GHR: variants seen among roughly 807,000 people sequenced by gnomAD.
GHR encodes the protein growth hormone receptor.
In GHR, 35 loss-of-function variants were observed where a neutral mutation model predicts 67.1. The ratio of observed to expected loss-of-function variants is 0.52; its 90% CI spans 0.40 to 0.69. GHR has a LOEUF of 0.69. Among genes scored for constraint, GHR ranks in the 30% least tolerant of loss-of-function variants. GHR has a pLI of 0.00. For missense variants in GHR, 792 were observed against 764.6 expected (o/e 1.04, Z -0.42); for synonymous variants, 272 against 269.1 (o/e 1.01, Z -0.10).
At chr5:42,501,575 T>C (rs1190408554) in intron 1 of GHR, among the ~76,000 whole-genome samples, 1 of 152,176 alleles carries the variant, frequency 6.6e-6, no homozygotes, top group African/African-American at 2.4e-5. Flanking sequence ...TTCTTTGTTC[T>C]TGGGGCTACC....
chr5:42,439,164 C>T (rs1476253891), intron 1 of GHR, among the ~76,000 whole-genome samples: 3 of 152,028 alleles, frequency 2.0e-5, no homozygotes, highest in African/African-American at 7.2e-5. Context: ...AGTCAAAGGT[C>T]AGCTGCTTAA....
At chr5:42,593,483 C>T (rs573226329) in intron 2 of GHR, among the ~76,000 whole-genome samples, 7 of 152,164 alleles carry the variant, frequency 4.6e-5, no homozygotes, top group African/African-American at 7.2e-5. Context: ...ATTCAAGGTC[C>T]CTGTGCTGAT....
chr5:42,448,003 C>T (rs1743886757), intron 1 of GHR, among the ~76,000 whole-genome samples: 1 of 151,998 alleles, frequency 6.6e-6, no homozygotes, highest in Non-Finnish European at 1.5e-5. Context: ...CTCCAGTGAT[C>T]CACCCACCTC....
intron 8 of GHR, among the ~76,000 whole-genome samples, chr5:42,717,792 G>T (rs1370346941): frequency 6.6e-6 from 1 of 151,612 alleles, no homozygotes; most frequent in East Asian, 1.9e-4. Context: ...AAAAACAATT[G>T]TGGGAAAACC....
chr5:42,699,896 T>A lies in GHR; in HGVS notation c.512T>A (p.Ile171Asn). ...AGTTTAACTGGGATTCATGCAGATA[T>A]CCAAGTGAGATGGGAAGCACCACGC... is the stretch of plus-strand genomic sequence containing the variant. Reference protein sequence around the residue: ...NVSLTGIHADIQVRWEAPRNA... With the variant: ...NVSLTGIHADNQVRWEAPRNA... The change falls in exon 6 of 10, where the codon ATC becomes AAC. Residue 171 changes from isoleucine (I) to asparagine (N), a missense_variant. By Grantham distance (149) the Ile-to-Asn change is moderately radical (BLOSUM62 -3). Coordinates refer to ENST00000230882, the MANE Select transcript of GHR (RefSeq NM_000163.5). 6.2e-7 allele frequency: 1 copy of A among 1,605,602 alleles called. No individual in the cohort carries two copies.
intron 1 of GHR, among the ~76,000 whole-genome samples, chr5:42,436,524 A>G (rs768491078): frequency 2.0e-5 from 3 of 152,198 alleles, no homozygotes; most frequent in Non-Finnish European, 2.9e-5. Context: ...ATATGTAGAT[A>G]TCCACATAAA....
chr5:42,635,691 AATG>A (rs1405521834), intron 3 of GHR, among the ~76,000 whole-genome samples: 1 of 152,212 alleles, frequency 6.6e-6, no homozygotes, highest in Non-Finnish European at 1.5e-5. Context: ...TTTTCTGAGC[AATG>A]ATAAGTGGTA....
Position 42,423,953 on chromosome 5 carries a change from G to C in GHR, c.-14G>C, listed in dbSNP as rs1742727121. The C allele has an allele frequency of 6.5e-6, 1 of 153,792 alleles. No individual in the cohort carries two copies. Among genetic ancestry groups the C allele is most frequent in the Non-Finnish European group, 1.5e-5 (1 of 68,328 alleles). The allele number at this position is 153,792 out of a possible 1,614,324, so 9.5% of individuals were successfully genotyped here. ...GCTCTCTGATCAGAGGCGAAGCTCG[G>C]AGGTACTGGAGTGGGGCTCCGGGAG... is the stretch of plus-strand genomic sequence containing the variant. On this transcript the variant is annotated splice_region_variant and 5_prime_UTR_variant, in exon 1 of 10. Transcript: ENST00000230882.
In GHR at chr5:42,447,364, A is replaced by T. The variant is rs543143965; in HGVS notation, c.-12+23409A>T. On this transcript the variant is annotated intron_variant, in intron 1 of 9. Transcript: ENST00000230882. ...TTATGACTTTGCATCCTCAGAGCTTAGTTCCCACTTACAAGTGAGAACATA... is the reference window on the plus strand; with the variant it reads ...TTATGACTTTGCATCCTCAGAGCTTTGTTCCCACTTACAAGTGAGAACATA... 8.1e-4 allele frequency among the ~76,000 whole-genome samples: 123 copies of T among 152,262 alleles called. 1 individual carries two copies. The highest frequency in any genetic ancestry group is 1.3e-3 in the Non-Finnish European group (91 of 68,036).
At chr5:42,657,493 G>A (rs1243262895) in intron 3 of GHR, among the ~76,000 whole-genome samples, 2 of 152,110 alleles carry the variant, frequency 1.3e-5, no homozygotes, top group Non-Finnish European at 2.9e-5. Flanking sequence ...AGAGAGAGAG[G>A]AAAATGTGGA....
chr5:42,450,248 G>A (rs189923874), intron 1 of GHR, among the ~76,000 whole-genome samples: 336 of 152,080 alleles, frequency 2.2e-3, no homozygotes, highest in African/African-American at 7.7e-3. Context: ...TGAATCCATC[G>A]CTCTTGGACT....
intron 1 of GHR, among the ~76,000 whole-genome samples, chr5:42,522,999 T>C (rs1367442436): frequency 6.6e-6 from 1 of 152,166 alleles, no homozygotes; most frequent in Non-Finnish European, 1.5e-5. Context: ...GAGAAAGAGA[T>C]TTTTAGATGA....
chr5:42,512,830 C>A (rs1027137884), intron 1 of GHR, among the ~76,000 whole-genome samples: 1 of 149,994 alleles, frequency 6.7e-6, no homozygotes, highest in African/African-American at 2.5e-5. Flanking sequence ...GAATTGAAAG[C>A]TTTGATCCAT....
rs142904216 is a variant in GHR, at chr5:42,443,539, A to G, written c.-12+19584A>G. On this transcript the variant is annotated intron_variant, in intron 1 of 9. Transcript: ENST00000230882. Reference sequence around the variant, plus strand: ...TGATCACAGGATGATTCAGGTAGACATGGAGCAGGTTGTGAAAACACTGGC... The same window carrying G: ...TGATCACAGGATGATTCAGGTAGACGTGGAGCAGGTTGTGAAAACACTGGC... 7.1e-3 allele frequency among the ~76,000 whole-genome samples: 1,080 copies of G among 152,278 alleles called. 5 individuals are homozygous for G. Among genetic ancestry groups the G allele is most frequent in the Middle Eastern group, 0.02 (6 of 294 alleles).
At chr5:42,496,470 T>A (rs1270857086) in intron 1 of GHR, among the ~76,000 whole-genome samples, 2 of 152,116 alleles carry the variant, frequency 1.3e-5, no homozygotes, top group African/African-American at 4.8e-5. Context: ...AAGATGAAGA[T>A]CCATAGAGAG....
intron 1 of GHR, among the ~76,000 whole-genome samples, chr5:42,471,677 A>G (rs992320650): frequency 2.6e-5 from 4 of 152,176 alleles, no homozygotes; most frequent in African/African-American, 9.7e-5. Context: ...ATATTTGTTA[A>G]GTGCCTAGAA....
At chr5:42,512,984 T>A (rs1248411561) in intron 1 of GHR, among the ~76,000 whole-genome samples, 1 of 152,110 alleles carries the variant, frequency 6.6e-6, no homozygotes, top group African/African-American at 2.4e-5. Flanking sequence ...TGGGGGATAT[T>A]TTTTTAAAGG....
chr5:42,455,950 G>T (rs185096690), intron 1 of GHR, among the ~76,000 whole-genome samples: 100 of 152,304 alleles, frequency 6.6e-4, no homozygotes, highest in African/African-American at 2.4e-3. Flanking sequence ...CTACAGAATA[G>T]GTTAGACCAG....
intron 1 of GHR, among the ~76,000 whole-genome samples, chr5:42,539,933 A>G (rs1748427440): frequency 6.6e-6 from 1 of 152,166 alleles, no homozygotes; most frequent in African/African-American, 2.4e-5. Flanking sequence ...GTACGCTATT[A>G]AGTACTGTAT....
Sources: gnomAD v4.1 joint callset for allele counts (sites outside exome capture counted in the v4.1 genomes callset) on GRCh38, gnomAD v4.1.1 for gene constraint, MANE v1.5 for transcripts, NCBI Gene and HGNC (gene_info 2026-07-23, HGNC 2026-07-21) for gene names.